Variants in POFUT1 observed in about 807,000 individuals in gnomAD.
The protein encoded by POFUT1 is GDP-fucose protein O-fucosyltransferase 1.
A neutral mutation model predicts 42.4 loss-of-function variants in POFUT1; 16 were observed. That is an observed-to-expected ratio of 0.38 (90% CI 0.26 to 0.57). POFUT1 has a LOEUF of 0.57. POFUT1 is among the 20% of genes least tolerant of loss of function. The pLI is 0.71. For missense variants in POFUT1, 470 were observed against 504.6 expected, an observed-to-expected ratio of 0.93 and a Z score of 0.66; for synonymous variants, 206 against 205.4, an observed-to-expected ratio of 1.00 and a Z score of -0.03.
intron 6 of POFUT1, 58 bp from the exon 7 acceptor site, chr20:32,234,415 A>G: frequency 6.9e-7 from 1 of 1,457,176 alleles, no homozygotes; most frequent in African/African-American, 1.4e-5. Context: ...GGGGGTGTGG[A>G]TGGCAGGCCT....
chr20:32,227,947 T>C (rs6141641), intron 4 of POFUT1, among the ~76,000 whole-genome samples: 104,153 of 152,118 alleles, frequency 0.68, 37,643 homozygotes, highest in East Asian at 0.99. Context: ...AATGAATTAC[T>C]GCACCGCAGA....
intron 3 of POFUT1, 144 bp from the exon 4 acceptor site, chr20:32,216,465 A>G (rs2047360879): frequency 1.6e-6 from 1 of 622,614 alleles, no homozygotes; most frequent in Non-Finnish European, 2.9e-6. Flanking sequence ...GGAATTGCAG[A>G]GTGACATTTC....
At chr20:32,215,484 C>T (rs2047355300) in intron 3 of POFUT1, 33 bp downstream of exon 3, 2 of 1,573,916 alleles carry the variant, frequency 1.3e-6, no homozygotes, top group South Asian at 2.2e-5. Context: ...CCCTTTCTTC[C>T]TGTTCCATGT....
At chr20:32,220,421 T>G (rs1225523593) in intron 4 of POFUT1, among the ~76,000 whole-genome samples, 1 of 151,950 alleles carries the variant, frequency 6.6e-6, no homozygotes, top group Non-Finnish European at 1.5e-5. Context: ...TGAGCCACCA[T>G]GCCCATCCAG....
intron 3 of POFUT1, 83 bp from the exon 4 acceptor site, chr20:32,216,526 T>A: frequency 1.2e-6 from 1 of 804,408 alleles, no homozygotes; most frequent in Non-Finnish European, 2.2e-6. Context: ...TCACCCAGCT[T>A]CCCCCACCTA....
chr20:32,230,668 C>G lies in POFUT1; in HGVS notation c.736-151C>G. 7.1e-6 allele frequency: 6 copies of G among 846,598 alleles called. No homozygotes were observed. In the South Asian group the frequency reaches 1.0e-4, roughly 14 times the overall value. 52.4% of individuals were successfully genotyped at this position (846,598 alleles called of 1,614,324 possible). A position where few individuals can be genotyped will look rare whatever the true frequency, so the allele number is the denominator to read the frequency against. On this transcript the variant is annotated intron_variant, in intron 5 of 6. Transcript: ENST00000375749. ...GGAGATCACACCACTGCACTCCAGC[C>G]TGGGTGACAGAGTGAGACTCCGTCT...
Position 32,238,059 on chromosome 20 carries a change from A to T in POFUT1, c.*3398A>T. ...GGATAAATGCTCTTAATTATAAAAA[A>T]TTCTGTCGAGGAGTGTTCCATAGTT... On this transcript the variant is annotated 3_prime_UTR_variant, in exon 7 of 7. Transcript: ENST00000375749. 3.0e-6 allele frequency: 1 copy of T among 335,606 alleles called. No homozygotes were observed. Among genetic ancestry groups the T allele is most frequent in the Non-Finnish European group, 5.9e-6 (1 of 168,658 alleles). The allele number at this position is 335,606 out of a possible 1,614,324, so 20.8% of individuals were successfully genotyped here.
At chr20:32,232,469 G>T (rs2047448350) in intron 6 of POFUT1, among the ~76,000 whole-genome samples, 1 of 152,166 alleles carries the variant, frequency 6.6e-6, no homozygotes, top group East Asian at 1.9e-4. Flanking sequence ...CAGTCCCAGA[G>T]CTAATTATAA....
chr20:32,234,300 G>A (rs1569164000), intron 6 of POFUT1, among the ~76,000 whole-genome samples, 173 bp from the exon 7 acceptor site: 1 of 152,348 alleles, frequency 6.6e-6, no homozygotes, highest in East Asian at 1.9e-4. Context: ...GGGTGGGGTG[G>A]GCCTAGGCAG....
intron 6 of POFUT1, chr20:32,231,393 A>C (rs554230483): frequency 2.0e-5 from 7 of 341,774 alleles, no homozygotes; most frequent in South Asian, 1.5e-4. Context: ...CCTTGAAGGC[A>C]GGGTCCAAGG....
At chr20:32,228,080 C>T (rs551831574) in intron 4 of POFUT1, among the ~76,000 whole-genome samples, 183 bp from the exon 5 acceptor site, 10 of 152,168 alleles carry the variant, frequency 6.6e-5, no homozygotes, top group Non-Finnish European at 1.3e-4. Flanking sequence ...TGCCTGTTGC[C>T]GCCGCCACCA....
At chr20:32,228,522 G>T in intron 5 of POFUT1, 67 bp downstream of exon 5, 1 of 1,419,078 alleles carries the variant, frequency 7.0e-7, no homozygotes, top group Non-Finnish European at 9.7e-7. Context: ...CTGGCCTGTA[G>T]GGATCGGCCC....
At chr20:32,227,854 C>T (rs187356047) in intron 4 of POFUT1, among the ~76,000 whole-genome samples, 1 of 152,232 alleles carries the variant, frequency 6.6e-6, no homozygotes, top group Admixed American at 6.5e-5. Flanking sequence ...GTGACCTGGC[C>T]GTTGCTTCTG....
intron 2 of POFUT1, among the ~76,000 whole-genome samples, chr20:32,214,243 G>A (rs2047346588): frequency 6.6e-6 from 1 of 151,920 alleles, no homozygotes; most frequent in East Asian, 1.9e-4. Flanking sequence ...TTCCATCTCA[G>A]CCTCCCTAGT....
intron 4 of POFUT1, among the ~76,000 whole-genome samples, chr20:32,221,037 A>G (rs2047388614): frequency 6.6e-6 from 1 of 152,144 alleles, no homozygotes; most frequent in South Asian, 2.1e-4. Flanking sequence ...GGCAGAGCCC[A>G]CCTAATGGGA....
At position 32,221,872 on chromosome 20, in the gene POFUT1, T is replaced by G. The variant is rs376979025; in HGVS notation, c.542+5151T>G. Among the ~76,000 whole-genome samples, 4 of 152,232 alleles carry G rather than the reference T, an allele frequency of 2.6e-5. No individual in the cohort carries two copies. The East Asian group carries it at 5.8e-4, about 22-fold the overall frequency. On this transcript the variant is annotated intron_variant, in intron 4 of 6. Transcript: ENST00000375749. The stretch of plus-strand genomic sequence containing the variant: ...GAAGTTTGTAGGCTACAAGTCTAGG[T>G]GTGTCAGACTTAAGTTAGGCTACAG...
chr20:32,234,124 C>A (rs1191300736), intron 6 of POFUT1, among the ~76,000 whole-genome samples: 1 of 152,162 alleles, frequency 6.6e-6, no homozygotes, highest in Non-Finnish European at 1.5e-5. Flanking sequence ...TTAAGACCCA[C>A]CTGGGCAGTA....
chr20:32,230,726 C>T, intron 5 of POFUT1, 93 bp from the exon 6 acceptor site: 4 of 1,383,330 alleles, frequency 2.9e-6, no homozygotes, highest in African/African-American at 2.9e-5. Context: ...TTAGGTTCTT[C>T]CTGTATAGCC....
At position 32,237,308 on chromosome 20, in the gene POFUT1, G is replaced by GA. The variant is rs1295273778; in HGVS notation, c.*2649dup. On this transcript the variant is annotated 3_prime_UTR_variant, in exon 7 of 7. Transcript: ENST00000375749. ...CAAGGAATTTGCATTCTAGAAAGTA[G>GA]AAGATGTAATAAATGTACTGTGGGA... The GA allele has an allele frequency of 6.4e-6, 1 of 157,324 alleles. No homozygotes were observed. The highest frequency in any genetic ancestry group is 2.4e-5 in the African/African-American group (1 of 41,548). 9.7% of individuals were successfully genotyped at this position (157,324 alleles called of 1,614,324 possible). A position where few individuals can be genotyped will look rare whatever the true frequency, so the allele number is the denominator to read the frequency against.
Sources: allele counts gnomAD v4.1 joint callset (sites outside exome capture counted in the v4.1 genomes callset), GRCh38; gene constraint gnomAD v4.1.1; transcripts MANE v1.5; gene names NCBI Gene and HGNC (gene_info 2026-07-23, HGNC 2026-07-21).